Variants in CCSER1 observed in about 807,000 individuals in gnomAD.
CCSER1 encodes coiled-coil serine rich protein 1.
In CCSER1, 41 loss-of-function variants were observed where a neutral mutation model predicts 82.0. The observed-to-expected ratio is 0.50, with a 90% CI of 0.39 to 0.65. The LOEUF (loss-of-function observed/expected upper bound fraction) is 0.65, where lower values mean the gene tolerates loss of function less well. CCSER1 is among the 30% of genes least tolerant of loss of function. The pLI is 0.00. For missense variants in CCSER1, 1,119 were observed against 1,064.2 expected (o/e 1.05, Z -0.72); for synonymous variants, 414 against 383.9 (o/e 1.08, Z -0.92).
chr4:90,887,310 T>A (rs1722275312), intron 8 of CCSER1, among the ~76,000 whole-genome samples: 1 of 152,152 alleles, frequency 6.6e-6, no homozygotes. Flanking sequence ...ATGCTGTATC[T>A]TTTTTATTTA....
chr4:91,139,813 A>C (rs1728854462), intron 10 of CCSER1, among the ~76,000 whole-genome samples: 1 of 152,144 alleles, frequency 6.6e-6, no homozygotes, highest in African/African-American at 2.4e-5. Context: ...AGCAATACCA[A>C]TTGCTTCTCT....
chr4:90,455,550 T>C (rs1762055356), intron 4 of CCSER1, among the ~76,000 whole-genome samples: 1 of 152,148 alleles, frequency 6.6e-6, no homozygotes, highest in Non-Finnish European at 1.5e-5. Context: ...CCTTTGTTCC[T>C]TTCTCTTTCC....
intron 9 of CCSER1, among the ~76,000 whole-genome samples, chr4:90,960,056 A>G (rs1733912228): frequency 6.6e-6 from 1 of 152,204 alleles, no homozygotes; most frequent in African/African-American, 2.4e-5. Flanking sequence ...TTTTTCAAAG[A>G]TAAGGAAATA....
At chr4:90,686,750 A>G (rs1034806363) in intron 6 of CCSER1, among the ~76,000 whole-genome samples, 1 of 152,082 alleles carries the variant, frequency 6.6e-6, no homozygotes, top group Non-Finnish European at 1.5e-5. Context: ...AGAACCACAC[A>G]CGAAAAAGGG....
In CCSER1 at chr4:90,130,634, T is replaced by C. The variant is rs553539065; in HGVS notation, c.-42+2803T>C. On this transcript the variant is annotated intron_variant, in intron 1 of 10. Coordinates refer to ENST00000509176, the MANE Select transcript of CCSER1 (RefSeq NM_001145065.2). Reference sequence around the variant, plus strand: ...TACACATTCTATTCTTTTTTTTTGTTTGTTTCTGAGATGGATTTTTGCTCT... The same window carrying C: ...TACACATTCTATTCTTTTTTTTTGTCTGTTTCTGAGATGGATTTTTGCTCT... Among the ~76,000 whole-genome samples the C allele has an allele frequency of 1.9e-3, 284 of 152,284 alleles. 1 individual carries two copies. Among genetic ancestry groups the C allele is most frequent in the African/African-American group, 6.7e-3 (280 of 41,552 alleles).
At chr4:90,842,008 C>G (rs13121860) in intron 8 of CCSER1, among the ~76,000 whole-genome samples, 1 of 149,076 alleles carries the variant, frequency 6.7e-6, no homozygotes, top group African/African-American at 2.5e-5. Flanking sequence ...TGCATATTGA[C>G]GTATTTACTG....
intron 3 of CCSER1, among the ~76,000 whole-genome samples, chr4:90,364,151 A>G (rs962281961): frequency 1.3e-5 from 2 of 152,054 alleles, no homozygotes; most frequent in Admixed American, 1.3e-4. Flanking sequence ...TCTTTGGGTA[A>G]CACCTACATT....
At chr4:91,472,593 G>GA (rs2149445385) in intron 10 of CCSER1, among the ~76,000 whole-genome samples, 1 of 152,276 alleles carries the variant, frequency 6.6e-6, no homozygotes, top group East Asian at 1.9e-4. Flanking sequence ...GTGTCTGGGT[G>GA]AAAATCTTTC....
At chr4:91,139,639 C>A (rs1294302896) in intron 10 of CCSER1, among the ~76,000 whole-genome samples, 2 of 152,026 alleles carry the variant, frequency 1.3e-5, no homozygotes, top group African/African-American at 4.8e-5. Context: ...TTTCAAGACC[C>A]ATAGCAAAAT....
intron 10 of CCSER1, among the ~76,000 whole-genome samples, chr4:91,344,728 G>A (rs1747944598): frequency 6.6e-6 from 1 of 151,954 alleles, no homozygotes; most frequent in Non-Finnish European, 1.5e-5. Context: ...TGGGAAAGTT[G>A]CTATCTGGGA....
At chr4:90,550,011 CA>C (rs72073320) in intron 5 of CCSER1, among the ~76,000 whole-genome samples, 10 of 151,000 alleles carry the variant, frequency 6.6e-5, no homozygotes, top group South Asian at 2.1e-4. Flanking sequence ...GTGACAAGAA[CA>C]AAAAAAAATT....
intron 10 of CCSER1, among the ~76,000 whole-genome samples, chr4:91,381,292 C>G (rs112061614): frequency 0.019 from 2,944 of 152,218 alleles, 73 homozygotes; most frequent in African/African-American, 0.066. Context: ...GAATGTTGGC[C>G]TGCCTTGCTA....
chr4:91,082,568 A>G (rs1722890299), intron 9 of CCSER1, among the ~76,000 whole-genome samples: 1 of 152,192 alleles, frequency 6.6e-6, no homozygotes, highest in Non-Finnish European at 1.5e-5. Flanking sequence ...ATGGGATCTA[A>G]TTAAACTAAA....
intron 10 of CCSER1, among the ~76,000 whole-genome samples, chr4:91,346,803 A>T (rs753531084): frequency 2.6e-5 from 4 of 152,164 alleles, no homozygotes; most frequent in Non-Finnish European, 4.4e-5. Context: ...GTCTATAGAT[A>T]ACTTTTGCCC....
intron 10 of CCSER1, among the ~76,000 whole-genome samples, chr4:91,137,019 T>TTC (rs1484943768): frequency 4.0e-5 from 6 of 151,694 alleles, no homozygotes; most frequent in Admixed American, 3.3e-4. Context: ...ATTCTTTTTT[T>TTC]TTTTATTATA....
intron 3 of CCSER1, among the ~76,000 whole-genome samples, chr4:90,318,484 T>C (rs1736555953): frequency 6.6e-6 from 1 of 152,246 alleles, no homozygotes; most frequent in Non-Finnish European, 1.5e-5. Context: ...CTGCTGCTTT[T>C]ATGTGGAAAC....
chr4:90,403,031 A>G (rs952273436), intron 4 of CCSER1, among the ~76,000 whole-genome samples: 2 of 152,150 alleles, frequency 1.3e-5, no homozygotes, highest in African/African-American at 4.8e-5. Flanking sequence ...GTGACTTTGG[A>G]TTGTTTAATG....
chr4:91,172,822 T>A (rs1732903326), intron 10 of CCSER1, among the ~76,000 whole-genome samples: 1 of 88,094 alleles, frequency 1.1e-5, no homozygotes, highest in Admixed American at 1.1e-4. Context: ...ATAAATAAAC[T>A]GTGTTAATGT....
chr4:91,200,376 T>C (rs533335143), intron 10 of CCSER1, among the ~76,000 whole-genome samples: 1 of 152,198 alleles, frequency 6.6e-6, no homozygotes, highest in Admixed American at 6.6e-5. Flanking sequence ...TCAGAAGCCA[T>C]TCCCTTTCCA....
Sources: allele counts gnomAD v4.1 joint callset (sites outside exome capture counted in the v4.1 genomes callset), GRCh38; gene constraint gnomAD v4.1.1; transcripts MANE v1.5; gene names NCBI Gene and HGNC (gene_info 2026-07-23, HGNC 2026-07-21).